KIF3C: variants seen among roughly 807,000 people sequenced by gnomAD.
KIF3C encodes the protein kinesin family member 3C.
In KIF3C, 12 loss-of-function variants were observed where a neutral mutation model predicts 67.7. The observed-to-expected ratio is 0.18, with a 90% CI of 0.11 to 0.29. KIF3C has a LOEUF of 0.29. Among genes scored for constraint, KIF3C ranks in the 10% least tolerant of loss-of-function variants. The pLI is 1.00. For synonymous variants in KIF3C, 393 were observed against 426.2 expected, an observed-to-expected ratio of 0.92 and a Z score of 0.96; for missense variants, 789 against 1,059.6, an observed-to-expected ratio of 0.74 and a Z score of 3.55.
chr2:25,940,841 CG>C (rs1372942603), intron 5 of KIF3C, among the ~76,000 whole-genome samples: 3 of 151,330 alleles, frequency 2.0e-5, no homozygotes, highest in African/African-American at 7.3e-5. Context: ...TTAGTAGAGA[CG>C]GGGTTTCACC....
chr2:25,938,393 A>C (rs1171814406), intron 5 of KIF3C: 6 of 386,894 alleles, frequency 1.6e-5, no homozygotes, highest in Non-Finnish European at 2.6e-5. Flanking sequence ...AAATTTTTGA[A>C]TCGGGCAACA....
chr2:25,975,711 C>A (rs1275450675), intron 1 of KIF3C, among the ~76,000 whole-genome samples: 1 of 152,162 alleles, frequency 6.6e-6, no homozygotes, highest in Non-Finnish European at 1.5e-5. Context: ...GTAATCCCAG[C>A]ACTTTGGGAG....
Position 25,982,442 on chromosome 2 carries a change from G to C in KIF3C, c.-525C>G, listed in dbSNP as rs2149246675. ...ATTCATTGCAGCCAGCGCGGCTGCT[G>C]CTGCCTCTGCCTCCGCCTTCCCCGC... On this transcript the variant is annotated 5_prime_UTR_variant, in exon 1 of 8. Transcript: ENST00000264712. The C allele has an allele frequency of 2.5e-6, 1 of 398,716 alleles. No homozygotes were observed. The allele number at this position is 398,716 out of a possible 1,614,324, so 24.7% of individuals were successfully genotyped here. A position where few individuals can be genotyped will look rare whatever the true frequency, so the allele number is the denominator to read the frequency against.
Position 25,981,878 on chromosome 2 carries a change from C to G in KIF3C, c.40G>C (p.Val14Leu). 6.3e-7 allele frequency: 1 copy of G among 1,588,676 alleles called. No individual in the cohort carries two copies. The highest frequency in any genetic ancestry group is 8.6e-7 in the Non-Finnish European group (1 of 1,168,040). The change falls in exon 1 of 8, where the codon GTG becomes CTG. Residue 14 changes from valine to leucine, a missense_variant. Physicochemically the swap from Val to Leu is conservative, Grantham distance 32. This residue lies in a region of KIF3C where 141 missense variants were observed against 251.8 expected (regional missense o/e 0.56). Coordinates refer to ENST00000264712, the MANE Select transcript of KIF3C (RefSeq NM_002254.8). The surrounding 1 kb of genome is among the most constrained non-coding windows in gnomAD (Gnocchi z 8.2). ...CTGCTGAGGGGGCGGCACCGGGCCACCACCTTGAGGGCCTCGCTGGCCTTG... is the reference window on the plus strand; with the variant it reads ...CTGCTGAGGGGGCGGCACCGGGCCAGCACCTTGAGGGCCTCGCTGGCCTTG... ...KTKASEALKV[V>L]ARCRPLSRKE...
rs374790122 is a variant in KIF3C, at chr2:25,951,931, G to A, written c.1890-26C>T. 23 of 1,493,452 alleles carry A rather than the reference G, an allele frequency of 1.5e-5. No individual in the cohort carries two copies. The African/African-American group carries it at 3.0e-4, about 20-fold the overall frequency. The allele number at this position is 1,493,452 out of a possible 1,614,324, so 92.5% of individuals were successfully genotyped here. ...CTGGGAGCAGGAATGAAGGAGTGAT[G>A]GGAAAATGGGTGAGCGAGAGACCAC... On this transcript the variant is annotated intron_variant, in intron 4 of 7. Transcript: ENST00000264712.
At chr2:25,976,283 G>A (rs1245946934) in intron 1 of KIF3C, among the ~76,000 whole-genome samples, 12 of 152,128 alleles carry the variant, frequency 7.9e-5, no homozygotes, top group Non-Finnish European at 1.8e-4. Flanking sequence ...CACAGAGAGA[G>A]TGGGCTCCAG....
At chr2:25,978,869 C>T (rs1664485171) in intron 1 of KIF3C, among the ~76,000 whole-genome samples, 1 of 152,106 alleles carries the variant, frequency 6.6e-6, no homozygotes, top group African/African-American at 2.4e-5. Flanking sequence ...TATCTTGCTT[C>T]TCTCAGGATG....
At chr2:25,953,949 G>A (rs532015186) in intron 4 of KIF3C, among the ~76,000 whole-genome samples, 9 of 152,292 alleles carry the variant, frequency 5.9e-5, no homozygotes, top group African/African-American at 1.4e-4. Context: ...TTACAGGCAT[G>A]AGCCACTGCG....
chr2:25,930,559 C>T (rs548464221), intron 5 of KIF3C, among the ~76,000 whole-genome samples: 7 of 151,936 alleles, frequency 4.6e-5, no homozygotes, highest in South Asian at 2.1e-4. Flanking sequence ...TTTTTTGAGA[C>T]GAAGTTTTGC....
At chr2:25,966,704 AT>A (rs1402966396) in intron 1 of KIF3C, among the ~76,000 whole-genome samples, 1 of 152,218 alleles carries the variant, frequency 6.6e-6, no homozygotes, top group African/African-American at 2.4e-5. Context: ...TTCTGGAAAG[AT>A]AGCATCAAGT....
At chr2:25,943,572 G>A (rs1429068227) in intron 5 of KIF3C, among the ~76,000 whole-genome samples, 6 of 152,096 alleles carry the variant, frequency 3.9e-5, no homozygotes, top group Admixed American at 1.3e-4. Flanking sequence ...GGCCGGGCAC[G>A]GTGGCTCACG....
chr2:25,981,491 C>A lies in KIF3C; in HGVS notation c.427G>T (p.Ala143Ser). 1 of 1,614,014 alleles carries A rather than the reference C, an allele frequency of 6.2e-7. No homozygotes were observed. The highest frequency in any genetic ancestry group is 8.5e-7 in the Non-Finnish European group (1 of 1,179,988). The part of the protein sequence containing the change: ...RSQNQQYLVR[A>S]SYLEIYQEEI... ...TCCTGGTAGATCTCCAAATAGGAGGCCCGGACCAGGTACTGTTGGTTCTGG... is the reference window on the plus strand; with the variant it reads ...TCCTGGTAGATCTCCAAATAGGAGGACCGGACCAGGTACTGTTGGTTCTGG... Residue 143 changes from alanine (A) to serine (S), a missense_variant, in exon 1 of 8, where the codon GCC becomes TCC. Physicochemically the swap from Ala to Ser is moderately conservative, Grantham distance 99 (BLOSUM62 1). This residue lies in a region of KIF3C where 141 missense variants were observed against 251.8 expected (regional missense o/e 0.56). Coordinates refer to ENST00000264712, the MANE Select transcript of KIF3C (RefSeq NM_002254.8). This position sits in a 1 kb window ranked among gnomAD's most constrained non-coding sequence, Gnocchi z 8.2.
chr2:25,964,177 G>A (rs548385149), intron 1 of KIF3C, among the ~76,000 whole-genome samples: 5 of 152,084 alleles, frequency 3.3e-5, no homozygotes, highest in South Asian at 4.1e-4. Flanking sequence ...GCATGGTGGC[G>A]TGCACCTGGA....
At position 25,981,417 on chromosome 2, in the gene KIF3C, C is replaced by T. The variant is rs772387099; in HGVS notation, c.501G>A (p.Leu167=). The stretch of plus-strand genomic sequence containing the variant: ...AGACGCCAGTCTCGGGGTTCTCTTT[C>T]AGCTCTAGCCTCTTGCCCGGCTCCT... ...LSKEPGKRLE[L]KENPETGVYI... is the part of the protein sequence containing the mutation. Residue 167 remains leucine, a synonymous_variant, in exon 1 of 8, where the codon CTG becomes CTA. Transcript: ENST00000264712. This position sits in a 1 kb window ranked among gnomAD's most constrained non-coding sequence, Gnocchi z 8.2. 6.2e-7 allele frequency: 1 copy of T among 1,614,230 alleles called. No homozygotes were observed. Among genetic ancestry groups the T allele is most frequent in the Non-Finnish European group, 8.5e-7 (1 of 1,180,042 alleles).
rs2090413389 is a variant in KIF3C at position 25,926,751 on chromosome 2, T to C, written c.*2227A>G. ...AGGGGACAGAGGGGAATGTTTTATA[T>C]ATATATTTATATATTACATATGTCC... On this transcript the variant is annotated 3_prime_UTR_variant, in exon 8 of 8. Transcript: ENST00000264712. The C allele has an allele frequency of 6.6e-6, 1 of 152,158 alleles. No homozygotes were observed. Among genetic ancestry groups the C allele is most frequent in the Non-Finnish European group, 1.5e-5 (1 of 68,020 alleles). 9.4% of individuals were successfully genotyped at this position (152,158 alleles called of 1,614,324 possible). A position where few individuals can be genotyped will look rare whatever the true frequency, so the allele number is the denominator to read the frequency against.
At chr2:25,946,874 T>C (rs1250444197) in intron 5 of KIF3C, among the ~76,000 whole-genome samples, 1 of 147,178 alleles carries the variant, frequency 6.8e-6, no homozygotes, top group African/African-American at 2.5e-5. Context: ...GAAAGAAGGC[T>C]GGGCGCAGTG....
chr2:25,942,124 G>A (rs777663803), intron 5 of KIF3C, among the ~76,000 whole-genome samples: 3 of 152,088 alleles, frequency 2.0e-5, no homozygotes, highest in Middle Eastern at 3.2e-3. Flanking sequence ...TTGGGATGCC[G>A]AGACAGGCGG....
chr2:25,951,742 G>A (rs1663618667), intron 5 of KIF3C, 47 bp downstream of exon 5: 1 of 1,326,442 alleles, frequency 7.5e-7, no homozygotes, highest in Non-Finnish European at 1.1e-6. Context: ...CCGACCTGGA[G>A]TGGACCCACA....
chr2:25,975,939 C>A (rs1353860351), intron 1 of KIF3C, among the ~76,000 whole-genome samples: 5 of 151,750 alleles, frequency 3.3e-5, no homozygotes, highest in African/African-American at 7.3e-5. Flanking sequence ...GCCTGGGCGA[C>A]AGAGTGAGAC....
Sources: gnomAD v4.1 joint callset for allele counts (sites outside exome capture counted in the v4.1 genomes callset) on GRCh38, gnomAD v4.1.1 for gene constraint, gnomAD v4.1.1 regional missense constraint, Gnocchi (gnomAD v3.1) non-coding constraint, MANE v1.5 for transcripts, NCBI Gene and HGNC (gene_info 2026-07-23, HGNC 2026-07-21) for gene names.